SIRPA: variants seen among roughly 807,000 people sequenced by gnomAD.
The protein encoded by SIRPA is signal regulatory protein alpha, also known as tyrosine-protein phosphatase non-receptor type substrate 1.
In SIRPA, 9 loss-of-function variants were observed where a neutral mutation model predicts 50.3. That is an observed-to-expected ratio of 0.18 (90% CI 0.11 to 0.31). The LOEUF is 0.31. Among genes scored for constraint, SIRPA ranks in the 10% least tolerant of loss-of-function variants. SIRPA has a pLI of 1.00. For synonymous variants in SIRPA, 265 were observed against 284.1 expected, an observed-to-expected ratio of 0.93 and a Z score of 0.68; for missense variants, 474 against 661.6, an observed-to-expected ratio of 0.72 and a Z score of 3.11.
chr20:1,928,056 C>T lies in SIRPA; in HGVS notation c.1226+157C>T, dbSNP rs910123018. Among the ~76,000 whole-genome samples the T allele has an allele frequency of 2.0e-5, 3 of 152,184 alleles. No individual in the cohort carries two copies. The highest frequency in any genetic ancestry group is 4.8e-5 in the African/African-American group (2 of 41,444). On this transcript the variant is annotated intron_variant, in intron 6 of 7. Coordinates refer to ENST00000358771, the MANE Select transcript of SIRPA (RefSeq NM_001040023.2). This position sits in a 1 kb window ranked among gnomAD's most constrained non-coding sequence, Gnocchi z 4.9. The stretch of plus-strand genomic sequence containing the variant: ...TGTAACCTCCTCACACTGGGTCACG[C>T]TGTTTTTAATTATTGTCCCAAATGA...
At chr20:1,918,199 G>T (rs919284087) in intron 2 of SIRPA, among the ~76,000 whole-genome samples, 6 of 109,956 alleles carry the variant, frequency 5.5e-5, no homozygotes, top group South Asian at 2.9e-4. Flanking sequence ...TTGTTTGTTT[G>T]TTTTTTCTTT....
At position 1,937,862 on chromosome 20, in the gene SIRPA, G is replaced by C; in HGVS notation, c.*294G>C. 1 of 445,732 alleles carries C rather than the reference G, an allele frequency of 2.2e-6. No homozygotes were observed. The highest frequency in any genetic ancestry group is 4.1e-6 in the Non-Finnish European group (1 of 242,814). The allele number at this position is 445,732 out of a possible 1,614,324, so 27.6% of individuals were successfully genotyped here. On this transcript the variant is annotated 3_prime_UTR_variant, in exon 8 of 8. Transcript: ENST00000358771. The surrounding 1 kb of genome is among the most constrained non-coding windows in gnomAD (Gnocchi z 8.3). ...AACTGCCTGGGGTCCAAGAACTCTT[G>C]TGCCTCCGTCCATCACCATGTGGGT...
At chr20:1,925,097 C>T (rs1018625449) in intron 5 of SIRPA, among the ~76,000 whole-genome samples, 4 of 152,248 alleles carry the variant, frequency 2.6e-5, no homozygotes, top group African/African-American at 9.6e-5. Context: ...CATCACTGCC[C>T]CAGGCCCCGT....
At chr20:1,911,213 A>G (rs946855106) in intron 1 of SIRPA, among the ~76,000 whole-genome samples, 5 of 152,170 alleles carry the variant, frequency 3.3e-5, no homozygotes, top group Non-Finnish European at 7.4e-5. Flanking sequence ...GATATTTTCA[A>G]TTTTTTATTT....
chr20:1,910,900 G>A (rs565170259), intron 1 of SIRPA, among the ~76,000 whole-genome samples: 1 of 152,158 alleles, frequency 6.6e-6, no homozygotes, highest in South Asian at 2.1e-4. Context: ...CATACAGAGG[G>A]TATAGATTTT....
chr20:1,898,880 G>GC lies in SIRPA; in HGVS notation c.79+3360dup, dbSNP rs1428818062. On this transcript the variant is annotated intron_variant, in intron 1 of 7. Transcript: ENST00000358771. This position sits in a 1 kb window ranked among gnomAD's most constrained non-coding sequence, Gnocchi z 4.3. The stretch of plus-strand genomic sequence containing the variant: ...GAGAGGTGATGTGGCTCCTGTGAGA[G>GC]CCCCCCATCTGGGCTGCTGAGCTCT... Among the ~76,000 whole-genome samples, 1 of 152,076 alleles carries GC rather than the reference G, an allele frequency of 6.6e-6. No homozygotes were observed. The highest frequency in any genetic ancestry group is 2.4e-5 in the African/African-American group (1 of 41,418).
chr20:1,935,322 G>A (rs1215856935), intron 7 of SIRPA, among the ~76,000 whole-genome samples: 1 of 152,246 alleles, frequency 6.6e-6, no homozygotes, highest in Non-Finnish European at 1.5e-5. Context: ...ACCTAGCCCT[G>A]CTTATCACCG....
At chr20:1,901,082 CTG>C (rs1251983394) in intron 1 of SIRPA, among the ~76,000 whole-genome samples, 1 of 151,648 alleles carries the variant, frequency 6.6e-6, no homozygotes, top group African/African-American at 2.4e-5. Flanking sequence ...GGTAGGGAAA[CTG>C]AGGCCCAGTT....
intron 1 of SIRPA, among the ~76,000 whole-genome samples, chr20:1,911,946 GA>G (rs71193936): frequency 0.08 from 8,275 of 103,942 alleles, 271 homozygotes; most frequent in Middle Eastern, 0.13. Flanking sequence ...AGCAAGCAAG[GA>G]AAAAAAAAAA....
Position 1,939,226 on chromosome 20 carries a change from G to A in SIRPA, c.*1658G>A, listed in dbSNP as rs566633940. ...TGAGACGCTAATGTTCATGACTCCT[G>A]GCCTTGGGATGCCCAAGGGATTTCT... On this transcript the variant is annotated 3_prime_UTR_variant, in exon 8 of 8. Coordinates refer to ENST00000358771, the MANE Select transcript of SIRPA (RefSeq NM_001040023.2). The surrounding 1 kb of genome is among the most constrained non-coding windows in gnomAD (Gnocchi z 4.7). The A allele has an allele frequency of 2.0e-5, 3 of 152,212 alleles. No homozygotes were observed. The highest frequency in any genetic ancestry group is 4.4e-5 in the Non-Finnish European group (3 of 68,048). The allele number at this position is 152,212 out of a possible 1,614,324, so 9.4% of individuals were successfully genotyped here.
rs374260942 is a variant in SIRPA, at chr20:1,911,741, C to T, written c.80-3358C>T. 5.9e-5 allele frequency among the ~76,000 whole-genome samples: 9 copies of T among 152,260 alleles called. No individual in the cohort carries two copies. The East Asian group carries it at 9.7e-4, about 16-fold the overall frequency. ...AAGATGTTCCAATTTCCCCTCCCAC[C>T]GGCAGTGCGTGGGAATGCCTGCCCA... On this transcript the variant is annotated intron_variant, in intron 1 of 7. Transcript: ENST00000358771.
At chr20:1,912,766 G>A (rs1161405712) in intron 1 of SIRPA, among the ~76,000 whole-genome samples, 1 of 152,220 alleles carries the variant, frequency 6.6e-6, no homozygotes, top group Non-Finnish European at 1.5e-5. Context: ...GTACAGAGGT[G>A]GCTAAGAGGG....
intron 1 of SIRPA, among the ~76,000 whole-genome samples, chr20:1,901,384 T>A (rs1403537308): frequency 6.6e-6 from 1 of 152,032 alleles, no homozygotes; most frequent in Admixed American, 6.6e-5. Flanking sequence ...TTGATCAGGC[T>A]GGTCTCAAAC....
Position 1,895,465 on chromosome 20 carries a change from G to A in SIRPA, c.18G>A (p.Pro6=), listed in dbSNP as rs1166267843. 7 of 1,426,496 alleles carry A rather than the reference G, an allele frequency of 4.9e-6. No homozygotes were observed. Among genetic ancestry groups the A allele is most frequent in the Admixed American group, 3.1e-5 (1 of 32,306 alleles). The allele number at this position is 1,426,496 out of a possible 1,614,324, so 88.4% of individuals were successfully genotyped here. A position where few individuals can be genotyped will look rare whatever the true frequency, so the allele number is the denominator to read the frequency against. The part of the protein sequence containing the change: MEPAG[P]APGRLGPLLC... The stretch of plus-strand genomic sequence containing the variant: ...CGCGGCCCATGGAGCCCGCCGGCCC[G>A]GCCCCCGGCCGCCTCGGGCCGCTGC... The change falls in exon 1 of 8, where the codon CCG becomes CCA. Residue 6 remains proline (P), a synonymous_variant. Coordinates refer to ENST00000358771, the MANE Select transcript of SIRPA (RefSeq NM_001040023.2).
chr20:1,898,740 T>C lies in SIRPA; in HGVS notation c.79+3214T>C, dbSNP rs1032581874. On this transcript the variant is annotated intron_variant, in intron 1 of 7. Transcript: ENST00000358771. The surrounding 1 kb of genome is among the most constrained non-coding windows in gnomAD (Gnocchi z 4.3). ...CTTTCTGGCCTTGGGTGGAGGACTG[T>C]AGAAGAGTTCTTTCTCTGGGCAGAA... Among the ~76,000 whole-genome samples, 1 of 152,018 alleles carries C rather than the reference T, an allele frequency of 6.6e-6. No homozygotes were observed. Among genetic ancestry groups the C allele is most frequent in the Admixed American group, 6.5e-5 (1 of 15,270 alleles).
At chr20:1,910,336 T>A (rs1307247898) in intron 1 of SIRPA, among the ~76,000 whole-genome samples, 1 of 127,782 alleles carries the variant, frequency 7.8e-6, no homozygotes, top group Non-Finnish European at 1.7e-5. Flanking sequence ...GTGTGTTTTG[T>A]TTCATTACTT....
intron 1 of SIRPA, among the ~76,000 whole-genome samples, chr20:1,900,888 G>A (rs1241650306): frequency 6.6e-6 from 1 of 152,186 alleles, no homozygotes; most frequent in Non-Finnish European, 1.5e-5. Context: ...GCCACCTGGC[G>A]ATGCACGTCG....
intron 1 of SIRPA, among the ~76,000 whole-genome samples, chr20:1,913,193 G>A (rs1985009147): frequency 6.6e-6 from 1 of 152,248 alleles, no homozygotes; most frequent in Non-Finnish European, 1.5e-5. Context: ...TACACCCAAA[G>A]CAGGTGGAGT....
intron 1 of SIRPA, among the ~76,000 whole-genome samples, chr20:1,900,401 G>C (rs1984117827): frequency 6.6e-6 from 1 of 152,122 alleles, no homozygotes; most frequent in South Asian, 2.1e-4. Flanking sequence ...TGTCCTTGTA[G>C]CTTTTATGCT....
Sources: allele counts gnomAD v4.1 joint callset (sites outside exome capture counted in the v4.1 genomes callset), GRCh38; gene constraint gnomAD v4.1.1; non-coding constraint Gnocchi (gnomAD v3.1); transcripts MANE v1.5; gene names NCBI Gene and HGNC (gene_info 2026-07-23, HGNC 2026-07-21).